The following MARS1 variants were observed in gnomAD, a reference collection of about 807,000 sequenced individuals.
The protein encoded by MARS1 is methionine--tRNA ligase, cytoplasmic.
Under a neutral mutation model 119.5 loss-of-function variants are expected in MARS1, and 80 were observed. The ratio of observed to expected loss-of-function variants is 0.67; its 90% CI spans 0.56 to 0.81. MARS1 has a LOEUF of 0.81. MARS1 is among the 30% of genes least tolerant of loss of function. The probability of loss-of-function intolerance (pLI) is 0.00; values close to 1 mark genes in which losing one functional copy is unlikely to be tolerated. For missense variants in MARS1, 945 were observed against 1,116.5 expected (o/e 0.85, Z 2.19); for synonymous variants, 418 against 433.4 (o/e 0.96, Z 0.44).
Position 57,515,281 on chromosome 12 carries a change from G to A in MARS1, c.2336G>A (p.Ser779Asn), listed in dbSNP as rs756986496. The A allele has an allele frequency of 6.2e-7, 1 of 1,613,886 alleles. No homozygotes were observed. Among genetic ancestry groups the A allele is most frequent in the South Asian group, 1.1e-5 (1 of 91,076 alleles). ...AQLQLPPPACSILLTNFLCTL... is the reference protein window; with the variant it reads ...AQLQLPPPACNILLTNFLCTL... ...CTGCAGCTCCCACCTCCAGCCTGCA[G>A]TATCCTGCTGACAAACTTCCTGTGT... The change falls in exon 18 of 21, where the codon AGT becomes AAT. Residue 779 changes from serine (S) to asparagine (N), a missense_variant. Coordinates refer to ENST00000262027, the MANE Select transcript of MARS1 (RefSeq NM_004990.4).
At chr12:57,498,791 T>C (rs1230951734) in intron 9 of MARS1, among the ~76,000 whole-genome samples, 168 bp downstream of exon 9, 3 of 151,950 alleles carry the variant, frequency 2.0e-5, no homozygotes, top group Non-Finnish European at 1.5e-5. Flanking sequence ...GAAGATGGTG[T>C]GTGTAGAAGC....
Position 57,490,821 on chromosome 12 carries a change from A to G in MARS1, c.770+177A>G, listed in dbSNP as rs375195985. On this transcript the variant is annotated intron_variant, in intron 7 of 20. Transcript: ENST00000262027. ...TTTTTTTTACATTTTCTCTTAGCCT[A>G]TCATTTTGGACACTCCATCTGTCCC... Among the ~76,000 whole-genome samples, 160 of 65,182 alleles carry G rather than the reference A, an allele frequency of 2.5e-3. 2 individuals are homozygous for G. Among genetic ancestry groups the G allele is most frequent in the African/African-American group, 0.01 (154 of 15,152 alleles). The allele number at this position is 65,182 out of a possible 152,430, so 42.8% of individuals were successfully genotyped here. A position where few individuals can be genotyped will look rare whatever the true frequency, so the allele number is the denominator to read the frequency against.
In MARS1 at chr12:57,512,224, A is replaced by T; in HGVS notation, c.1636-12A>T. 2.5e-6 allele frequency: 4 copies of T among 1,611,750 alleles called. No individual in the cohort carries two copies. Among genetic ancestry groups the T allele is most frequent in the Non-Finnish European group, 3.4e-6 (4 of 1,177,838 alleles). On this transcript the variant is annotated splice_polypyrimidine_tract_variant and intron_variant, in intron 13 of 20. Transcript: ENST00000262027. ...AGGTCTCAGGAAATCTCTCCTAACCACATTCCCCTAGGTGGACCTGTATCA... is the reference window on the plus strand; with the variant it reads ...AGGTCTCAGGAAATCTCTCCTAACCTCATTCCCCTAGGTGGACCTGTATCA...
intron 18 of MARS1, 81 bp downstream of exon 18, chr12:57,515,417 C>T (rs1406367174): frequency 7.2e-7 from 1 of 1,382,366 alleles, no homozygotes; most frequent in Non-Finnish European, 9.9e-7. Context: ...GACCTAACAT[C>T]TCTCCAGTGT....
rs754505518 is a variant in MARS1, at chr12:57,511,826, CA to C, written c.1500del (p.Lys500AsnfsTer8). ...AGCCACGCTGCATAACCCGAGACCT[CA>C]AATGGGGAACCCCTGTACCCTTAGA... ...LKPRCITRDL[K>X]WGTPVPLEGF... On this transcript the variant is annotated frameshift_variant, in exon 12 of 21. Transcript: ENST00000262027. LOFTEE classifies it high-confidence loss of function. The C allele has an allele frequency of 4.3e-6, 7 of 1,614,188 alleles. No homozygotes were observed. The Admixed American group carries it at 1.0e-4, about 23-fold the overall frequency.
intron 7 of MARS1, 93 bp downstream of exon 7, chr12:57,490,737 T>A: frequency 1.1e-6 from 1 of 925,042 alleles, no homozygotes; most frequent in Non-Finnish European, 1.7e-6. Context: ...CGTTTGCTGA[T>A]CTCTCTTTAA....
intron 10 of MARS1, 67 bp from the exon 11 acceptor site, chr12:57,504,158 C>G: frequency 9.3e-7 from 1 of 1,070,666 alleles, no homozygotes; most frequent in Middle Eastern, 2.4e-4. Flanking sequence ...TTCTCTGCTC[C>G]TCCCCTTGCC....
chr12:57,495,737 G>A (rs373381545), intron 7 of MARS1, among the ~76,000 whole-genome samples: 25 of 152,356 alleles, frequency 1.6e-4, no homozygotes, highest in African/African-American at 6.0e-4. Context: ...GCGAGACTCC[G>A]TCTGCAATCC....
At chr12:57,505,087 A>G (rs1428478742) in intron 11 of MARS1, among the ~76,000 whole-genome samples, 2 of 151,656 alleles carry the variant, frequency 1.3e-5, no homozygotes, top group Non-Finnish European at 2.9e-5. Flanking sequence ...GGGCTCAAGC[A>G]GTTCTCCTGC....
At chr12:57,504,404 C>T (rs1402144301) in intron 11 of MARS1, 105 bp downstream of exon 11, 4 of 903,014 alleles carry the variant, frequency 4.4e-6, no homozygotes, top group Non-Finnish European at 5.4e-6. Flanking sequence ...TTTTAAATTT[C>T]CATTAAGAAT....
chr12:57,494,442 C>G (rs141636771), intron 7 of MARS1, among the ~76,000 whole-genome samples: 1,669 of 145,568 alleles, frequency 0.011, 39 homozygotes, highest in African/African-American at 0.039. Flanking sequence ...ATTCTCCTGT[C>G]TCAGCCTCCT....
Position 57,490,346 on chromosome 12 carries a change from C to T in MARS1, c.630C>T (p.Pro210=), listed in dbSNP as rs143741525. 6.8e-5 allele frequency: 110 copies of T among 1,612,552 alleles called. No homozygotes were observed. The highest frequency in any genetic ancestry group is 5.9e-5 in the Non-Finnish European group (70 of 1,180,034). The change falls in exon 6 of 21, where the codon CCC becomes CCT. Residue 210 remains proline (P), a synonymous_variant. Transcript: ENST00000262027. ...PYLQKQPQPS[P]AEGRAVTNEP... ...TCCAAAAGCAGCCCCAGCCCAGCCC[C>T]GCTGAGGGAAGGGCTGTCACCAATG...
At chr12:57,500,209 T>G in intron 9 of MARS1, 112 bp from the exon 10 acceptor site, 2 of 845,242 alleles carry the variant, frequency 2.4e-6, no homozygotes. Flanking sequence ...TTGAGGAGCC[T>G]TCTGCCTGAT....
chr12:57,515,186 T>C lies in MARS1; in HGVS notation c.2241T>C (p.Asn747=), dbSNP rs373102265. The part of the protein sequence containing the change: ...RAGTVTGLAV[N]IAALLSVMLQ... ...GAACAGTGACTGGCTTGGCAGTGAA[T>C]ATAGCTGCCTTGCTCTCTGTCATGC... Residue 747 remains asparagine, a synonymous_variant, in exon 18 of 21, where the codon AAT becomes AAC. Coordinates refer to ENST00000262027, the MANE Select transcript of MARS1 (RefSeq NM_004990.4). The C allele has an allele frequency of 6.2e-6, 10 of 1,614,062 alleles. No homozygotes were observed. In the African/African-American group the frequency reaches 1.1e-4, roughly 17 times the overall value.
chr12:57,516,622 CA>C lies in MARS1; in HGVS notation c.*42del. ...AGAAAGTCACTTTAATAGATAGGGA[CA>C]GTAATAAATAAATGTACAATCTCTA... On this transcript the variant is annotated 3_prime_UTR_variant, in exon 21 of 21. Transcript: ENST00000262027. The C allele has an allele frequency of 2.6e-6, 4 of 1,541,238 alleles. No individual in the cohort carries two copies. Among genetic ancestry groups the C allele is most frequent in the Non-Finnish European group, 3.5e-6 (4 of 1,149,916 alleles).
chr12:57,497,049 GCA>G (rs1876670296), intron 7 of MARS1, among the ~76,000 whole-genome samples: 1 of 152,148 alleles, frequency 6.6e-6, no homozygotes. Flanking sequence ...ACAGCAGTAA[GCA>G]CACTCATTCT....
intron 11 of MARS1, among the ~76,000 whole-genome samples, chr12:57,505,111 C>T (rs909898107): frequency 2.0e-5 from 3 of 151,482 alleles, no homozygotes; most frequent in South Asian, 2.1e-4. Flanking sequence ...TGCCTGCAAA[C>T]GTGTTGGGAT....
rs1877852556 is a variant in MARS1, at chr12:57,516,578, G to A, written c.2700G>A (p.Lys900=). 6.4e-7 allele frequency: 1 copy of A among 1,571,624 alleles called. No individual in the cohort carries two copies. Among genetic ancestry groups the A allele is most frequent in the Non-Finnish European group, 8.6e-7 (1 of 1,166,354 alleles). The change falls in exon 21 of 21, where the codon AAG becomes AAA. Residue 900 remains lysine (K), a synonymous_variant. Coordinates refer to ENST00000262027, the MANE Select transcript of MARS1 (RefSeq NM_004990.4). ...PPEAPKGKKK[K] The stretch of plus-strand genomic sequence containing the variant: ...AAGCCCCTAAAGGCAAGAAGAAAAA[G>A]TAAAAGACCTTGGCTCATAGAAAGT...
rs1015399937 is a variant in MARS1, at chr12:57,488,632, T to G, written c.110-387T>G. 4.5e-6 allele frequency: 7 copies of G among 1,550,906 alleles called. No homozygotes were observed. The Admixed American group carries it at 9.8e-5, about 22-fold the overall frequency. On this transcript the variant is annotated intron_variant, in intron 1 of 20. Coordinates refer to ENST00000262027, the MANE Select transcript of MARS1 (RefSeq NM_004990.4). Reference sequence around the variant, plus strand: ...TTTACCTCTTCTCATTCTCAGCCGATTGTTTGGGTGACTCTTAGGAGGTTC... The same window carrying G: ...TTTACCTCTTCTCATTCTCAGCCGAGTGTTTGGGTGACTCTTAGGAGGTTC...
Sources: allele counts gnomAD v4.1 joint callset (sites outside exome capture counted in the v4.1 genomes callset), GRCh38; gene constraint gnomAD v4.1.1; transcripts MANE v1.5; gene names NCBI Gene and HGNC (gene_info 2026-07-23, HGNC 2026-07-21).